The following BNIP3 variants were observed in gnomAD, a reference collection of about 807,000 sequenced individuals.
BNIP3 encodes BCL2 interacting protein 3, also known as BCL2/adenovirus E1B 19 kDa protein-interacting protein 3.
Under a neutral mutation model 23.9 loss-of-function variants are expected in BNIP3, and 16 were observed. The observed-to-expected ratio is 0.67, with a 90% CI of 0.45 to 1.01. BNIP3 has a LOEUF of 1.01. BNIP3 is among the 50% of genes least tolerant of loss of function. The pLI is 0.00. For synonymous variants in BNIP3, 81 were observed against 89.3 expected (o/e 0.91, Z 0.53); for missense variants, 198 against 248.7 (o/e 0.80, Z 1.37).
rs199915923 is a variant in BNIP3, at chr10:131,976,121, A to T, written c.47-2178T>A. 6.6e-6 allele frequency among the ~76,000 whole-genome samples: 1 copy of T among 152,230 alleles called. No homozygotes were observed. The highest frequency in any genetic ancestry group is 1.5e-5 in the Non-Finnish European group (1 of 68,026). On this transcript the variant is annotated intron_variant, in intron 1 of 5. Transcript: ENST00000368636. This position sits in a 1 kb window ranked among gnomAD's most constrained non-coding sequence, Gnocchi z 4.3. ...CATGGCCTGCCCCTGAGAGAACGGC[A>T]CCACAGCCTCTGTTTTGGCCAGCTG...
At position 131,977,972 on chromosome 10, in the gene BNIP3, G is replaced by A. The variant is rs543296344; in HGVS notation, c.46+3789C>T. On this transcript the variant is annotated intron_variant, in intron 1 of 5. Transcript: ENST00000368636. ...ACTCACGTGTTACAGTTCTCCACTCGGATCGTTCACCTTTTCAAAGAAAGA... is the reference window on the plus strand; with the variant it reads ...ACTCACGTGTTACAGTTCTCCACTCAGATCGTTCACCTTTTCAAAGAAAGA... 2.6e-5 allele frequency among the ~76,000 whole-genome samples: 4 copies of A among 152,212 alleles called. 1 individual carries two copies. In the South Asian group the frequency reaches 6.2e-4, roughly 24 times the overall value.
intron 1 of BNIP3, among the ~76,000 whole-genome samples, chr10:131,978,988 G>A (rs922066612): frequency 6.6e-6 from 1 of 152,184 alleles, no homozygotes; most frequent in African/African-American, 2.4e-5. Flanking sequence ...AGCTGGGTAG[G>A]TAAATCAGGT....
chr10:131,976,617 A>G lies in BNIP3; in HGVS notation c.47-2674T>C, dbSNP rs368647023. Among the ~76,000 whole-genome samples the G allele has an allele frequency of 4.6e-5, 7 of 152,144 alleles. No individual in the cohort carries two copies. The highest frequency in any genetic ancestry group is 1.7e-4 in the African/African-American group (7 of 41,532). On this transcript the variant is annotated intron_variant, in intron 1 of 5. Transcript: ENST00000368636. The surrounding 1 kb of genome is among the most constrained non-coding windows in gnomAD (Gnocchi z 4.3). Reference sequence around the variant, plus strand: ...CACCTACCCCACACGTCCCAACCCTAACCCCAACCACACTCTCTGCAACCA... The same window carrying G: ...CACCTACCCCACACGTCCCAACCCTGACCCCAACCACACTCTCTGCAACCA...
In BNIP3 at chr10:131,970,701, G is replaced by C; in HGVS notation, c.476C>G (p.Ala159Gly). 6.2e-7 allele frequency: 1 copy of C among 1,614,180 alleles called. No homozygotes were observed. Among genetic ancestry groups the C allele is most frequent in the Non-Finnish European group, 8.5e-7 (1 of 1,180,020 alleles). ...SVMKKGGIFS[A>G]EFLKVFLPSL... The stretch of plus-strand genomic sequence containing the variant: ...TGGAAGGAAAACTTTCAGAAATTCT[G>C]CAGAGAATATGCCCCCTTTCTTCAT... Residue 159 changes from alanine to glycine, a missense_variant, in exon 5 of 6, where the codon GCA (alanine) becomes GGA (glycine). Transcript: ENST00000368636. This position sits in a 1 kb window ranked among gnomAD's most constrained non-coding sequence, Gnocchi z 4.1.
chr10:131,978,381 TAAA>T (rs11484265), intron 1 of BNIP3, among the ~76,000 whole-genome samples: 12 of 134,828 alleles, frequency 8.9e-5, no homozygotes, highest in Admixed American at 2.2e-4. Flanking sequence ...TCACTTTGTG[TAAA>T]AAAAAAAAAA....
At chr10:131,981,661 C>T in intron 1 of BNIP3, 100 bp downstream of exon 1, 5 of 1,357,152 alleles carry the variant, frequency 3.7e-6, no homozygotes, top group Non-Finnish European at 4.8e-6. Flanking sequence ...CCGCGATGCC[C>T]CCTAGGCCTC....
intron 3 of BNIP3, among the ~76,000 whole-genome samples, 197 bp downstream of exon 3, chr10:131,972,837 G>A (rs541537941): frequency 2.6e-5 from 4 of 152,190 alleles, no homozygotes; most frequent in Non-Finnish European, 5.9e-5. Context: ...GCTCAGCTGA[G>A]TGTCCAGCCC....
rs1303377393 is a variant in BNIP3 at position 131,981,765 on chromosome 10, C to G, written c.42G>C (p.Leu14=). The stretch of plus-strand genomic sequence containing the variant: ...GCGCCGCCTCCTCCGCCTCACCCTG[C>G]AGGCTCTCCTCCTGCATCCCGGGCG... ...NGAPGMQEES[L]QGSWVELHFS... Residue 14 remains leucine (L), a synonymous_variant, in exon 1 of 6, where the codon CTG becomes CTC. Coordinates refer to ENST00000368636, the MANE Select transcript of BNIP3 (RefSeq NM_004052.4). 1 of 1,477,758 alleles carries G rather than the reference C, an allele frequency of 6.8e-7. No homozygotes were observed. Among genetic ancestry groups the G allele is most frequent in the African/African-American group, 1.5e-5 (1 of 68,810 alleles). 91.5% of individuals were successfully genotyped at this position (1,477,758 alleles called of 1,614,324 possible).
At chr10:131,973,480 G>C (rs1367973235) in intron 2 of BNIP3, 1 of 472,806 alleles carries the variant, frequency 2.1e-6, no homozygotes, top group African/African-American at 1.9e-5. Flanking sequence ...CTGCTAACCA[G>C]GGACCGCTCC....
At position 131,981,792 on chromosome 10, in the gene BNIP3, T is replaced by A. The variant is rs2037121399; in HGVS notation, c.15A>T (p.Gly5=). The A allele has an allele frequency of 6.7e-7, 1 of 1,484,518 alleles. No individual in the cohort carries two copies. 92.0% of individuals were successfully genotyped at this position (1,484,518 alleles called of 1,614,324 possible). A position where few individuals can be genotyped will look rare whatever the true frequency, so the allele number is the denominator to read the frequency against. MSQN[G]APGMQEESLQ... ...GGCTCTCCTCCTGCATCCCGGGCGC[T>A]CCGTTCTGCGACATGGCGCCAGAGG... The change falls in exon 1 of 6, where the codon GGA becomes GGT. Residue 5 remains glycine, a synonymous_variant. Transcript: ENST00000368636.
chr10:131,981,798 C>A lies in BNIP3; in HGVS notation c.9G>T (p.Gln3His). 1 of 1,484,080 alleles carries A rather than the reference C, an allele frequency of 6.7e-7. No individual in the cohort carries two copies. Among genetic ancestry groups the A allele is most frequent in the Non-Finnish European group, 8.9e-7 (1 of 1,123,130 alleles). 91.9% of individuals were successfully genotyped at this position (1,484,080 alleles called of 1,614,324 possible). ...CCTCCTGCATCCCGGGCGCTCCGTT[C>A]TGCGACATGGCGCCAGAGGGCAACT... is the stretch of plus-strand genomic sequence containing the variant. MS[Q>H]NGAPGMQEES... The change falls in exon 1 of 6, where the codon CAG becomes CAT. Residue 3 changes from glutamine (Q) to histidine (H), a missense_variant. Gln to His is a conservative substitution (Grantham distance 24). Transcript: ENST00000368636.
intron 5 of BNIP3, chr10:131,969,565 G>GCT (rs2037004374): frequency 6.6e-6 from 1 of 152,264 alleles, no homozygotes; most frequent in Non-Finnish European, 1.5e-5. Flanking sequence ...GGAGACACGG[G>GCT]CAGCGCTCAG....
chr10:131,969,925 A>G (rs1343594966), intron 5 of BNIP3: 2 of 152,624 alleles, frequency 1.3e-5, no homozygotes, highest in African/African-American at 2.4e-5. Context: ...GCGGTGGCTC[A>G]CGCCTGTAAT....
At chr10:131,975,418 A>G (rs2037072439) in intron 1 of BNIP3, among the ~76,000 whole-genome samples, 1 of 152,234 alleles carries the variant, frequency 6.6e-6, no homozygotes, top group Admixed American at 6.5e-5. Context: ...AGACAGGGAA[A>G]CTTATGGACG....
In BNIP3 at chr10:131,970,618, C is replaced by T; in HGVS notation, c.539+20G>A. ...CCCCACGACATGCCATGACAGGAGT[C>T]ACACAGTCACATCACCTACCCCAAT... On this transcript the variant is annotated intron_variant, in intron 5 of 5. Transcript: ENST00000368636. The surrounding 1 kb of genome is among the most constrained non-coding windows in gnomAD (Gnocchi z 4.1). 6.2e-7 allele frequency: 1 copy of T among 1,612,194 alleles called. No homozygotes were observed. The highest frequency in any genetic ancestry group is 8.5e-7 in the Non-Finnish European group (1 of 1,179,182).
intron 1 of BNIP3, among the ~76,000 whole-genome samples, chr10:131,977,531 G>A (rs990218054): frequency 6.6e-6 from 1 of 152,154 alleles, no homozygotes; most frequent in African/African-American, 2.4e-5. Context: ...CAAGATCCAC[G>A]CACCAACATC....
At chr10:131,979,105 G>A (rs536778852) in intron 1 of BNIP3, among the ~76,000 whole-genome samples, 1 of 152,250 alleles carries the variant, frequency 6.6e-6, no homozygotes, top group East Asian at 1.9e-4. Flanking sequence ...GCAGCCTCAG[G>A]CATCTGGGCT....
At chr10:131,968,762 T>C (rs2036993933) in intron 5 of BNIP3, 193 bp from the exon 6 acceptor site, 3 of 504,576 alleles carry the variant, frequency 5.9e-6, no homozygotes, top group African/African-American at 3.8e-5. Context: ...TATTTTGTAT[T>C]AATTAACTTA....
Position 131,971,277 on chromosome 10 carries a change from T to G in BNIP3, c.283-307A>C, listed in dbSNP as rs1275763364. On this transcript the variant is annotated intron_variant, in intron 3 of 5. Coordinates refer to ENST00000368636, the MANE Select transcript of BNIP3 (RefSeq NM_004052.4). ...GGGGTACTGACAGCGGCAAACACTGTCCTAGGGAAGTCACGTGACATGAGG... is the reference window on the plus strand; with the variant it reads ...GGGGTACTGACAGCGGCAAACACTGGCCTAGGGAAGTCACGTGACATGAGG... 1.0e-5 allele frequency: 4 copies of G among 384,484 alleles called. No homozygotes were observed. The Admixed American group carries it at 1.7e-4, about 16-fold the overall frequency. 23.8% of individuals were successfully genotyped at this position (384,484 alleles called of 1,614,324 possible).
Sources: allele counts gnomAD v4.1 joint callset (sites outside exome capture counted in the v4.1 genomes callset), GRCh38; gene constraint gnomAD v4.1.1; non-coding constraint Gnocchi (gnomAD v3.1); transcripts MANE v1.5; gene names NCBI Gene and HGNC (gene_info 2026-07-23, HGNC 2026-07-21).